PIP4K2A: variants seen among roughly 807,000 people sequenced by gnomAD.
The protein encoded by PIP4K2A is phosphatidylinositol 5-phosphate 4-kinase type-2 alpha.
A neutral mutation model predicts 42.9 loss-of-function variants in PIP4K2A; 14 were observed. That is an observed-to-expected ratio of 0.33 (90% CI 0.22 to 0.51). The LOEUF is 0.51. Among genes scored for constraint, PIP4K2A ranks in the 20% least tolerant of loss-of-function variants. PIP4K2A has a pLI of 0.97. For missense variants in PIP4K2A, 434 were observed against 519.8 expected, an observed-to-expected ratio of 0.83 and a Z score of 1.61; for synonymous variants, 192 against 192.2, an observed-to-expected ratio of 1.00 and a Z score of 0.01.
intron 5 of PIP4K2A, 93 bp from the exon 6 acceptor site, chr10:22,567,982 G>A (rs1223557313): frequency 3.6e-6 from 4 of 1,112,768 alleles, no homozygotes; most frequent in Non-Finnish European, 5.5e-6. Context: ...GGAGCAGAGA[G>A]CCAGCTCAGC....
At chr10:22,713,069 G>A (rs1833939928) in intron 1 of PIP4K2A, among the ~76,000 whole-genome samples, 1 of 152,238 alleles carries the variant, frequency 6.6e-6, no homozygotes. Context: ...CAGATGCTAA[G>A]TGACTGCAGT....
At chr10:22,569,965 T>A (rs1202533108) in intron 5 of PIP4K2A, among the ~76,000 whole-genome samples, 2 of 152,018 alleles carry the variant, frequency 1.3e-5, no homozygotes, top group South Asian at 2.1e-4. Context: ...GATGAAACTG[T>A]GAAAAAAGCA....
rs569339443 is a variant in PIP4K2A, at chr10:22,632,279, C to T, written c.145-22562G>A. 3.3e-5 allele frequency among the ~76,000 whole-genome samples: 5 copies of T among 152,228 alleles called. No individual in the cohort carries two copies. In the East Asian group the frequency reaches 7.7e-4, roughly 24 times the overall value. On this transcript the variant is annotated intron_variant, in intron 1 of 9. Transcript: ENST00000376573. ...CATCTTGTATCAGTGTTAGTTTCCT[C>T]ATATTCATAACTGTACTATTTGTTA...
intron 5 of PIP4K2A, among the ~76,000 whole-genome samples, chr10:22,571,593 T>A (rs1588633522): frequency 6.6e-6 from 1 of 152,196 alleles, no homozygotes; most frequent in African/African-American, 2.4e-5. Flanking sequence ...AAACAATGCA[T>A]GCAAACCAAT....
intron 5 of PIP4K2A, among the ~76,000 whole-genome samples, chr10:22,570,593 G>C (rs1213247777): frequency 6.6e-6 from 1 of 152,194 alleles, no homozygotes; most frequent in African/African-American, 2.4e-5. Context: ...GAGGTTAGGA[G>C]ACAAGCCCAG....
chr10:22,555,153 G>A (rs781546482), intron 6 of PIP4K2A, among the ~76,000 whole-genome samples: 4 of 152,186 alleles, frequency 2.6e-5, no homozygotes, highest in African/African-American at 9.7e-5. Flanking sequence ...ACCCCAGGTC[G>A]ACTAGGCATG....
chr10:22,539,863 T>C lies in PIP4K2A; in HGVS notation c.1140+108A>G. On this transcript the variant is annotated intron_variant, in intron 9 of 9. Coordinates refer to ENST00000376573, the MANE Select transcript of PIP4K2A (RefSeq NM_005028.5). ...GTGGCAGAAAGGAGTGATCCCTGAG[T>C]TACAGGTCACACAGAGGAGCCAGGA... The C allele has an allele frequency of 4.0e-6, 3 of 748,558 alleles. No individual in the cohort carries two copies. In the South Asian group the frequency reaches 4.4e-5, roughly 11 times the overall value. 46.4% of individuals were successfully genotyped at this position (748,558 alleles called of 1,614,324 possible).
rs189216593 is a variant in PIP4K2A at position 22,605,394 on chromosome 10, G to T, written c.339+2533C>A. ...CTTGCCTAATTTTCTTTCAAAGTTTGTACTCAGCAATTTGTACTGACTTCA... is the reference window on the plus strand; with the variant it reads ...CTTGCCTAATTTTCTTTCAAAGTTTTTACTCAGCAATTTGTACTGACTTCA... On this transcript the variant is annotated intron_variant, in intron 3 of 9. Transcript: ENST00000376573. Among the ~76,000 whole-genome samples the T allele has an allele frequency of 3.9e-5, 6 of 152,204 alleles. No homozygotes were observed. The South Asian group carries it at 6.2e-4, about 16-fold the overall frequency.
In PIP4K2A at chr10:22,579,795, G is replaced by C. The variant is rs181032037; in HGVS notation, c.493-6338C>G. Among the ~76,000 whole-genome samples the C allele has an allele frequency of 1.9e-3, 280 of 149,380 alleles. 8 individuals are homozygous for C. Among genetic ancestry groups the C allele is most frequent in the African/African-American group, 7.1e-3 (276 of 38,778 alleles). On this transcript the variant is annotated intron_variant, in intron 4 of 9. Transcript: ENST00000376573. ...ATGGTGGCAGGTGCCTGTAGTCCCA[G>C]CTACTCGGGAGGCTGAGGCAGGAGA...
At chr10:22,634,382 G>A (rs770193151) in intron 1 of PIP4K2A, among the ~76,000 whole-genome samples, 15 of 152,160 alleles carry the variant, frequency 9.9e-5, no homozygotes, top group South Asian at 2.1e-4. Flanking sequence ...TTCCTTTAGC[G>A]GTTACAGATT....
intron 1 of PIP4K2A, among the ~76,000 whole-genome samples, chr10:22,652,801 C>A (rs1432953795): frequency 6.6e-6 from 1 of 152,176 alleles, no homozygotes; most frequent in African/African-American, 2.4e-5. Context: ...CTGCTTGAAA[C>A]GTTTATGAAG....
intron 4 of PIP4K2A, among the ~76,000 whole-genome samples, chr10:22,581,211 T>C (rs1336805840): frequency 6.6e-6 from 1 of 152,214 alleles, no homozygotes; most frequent in Non-Finnish European, 1.5e-5. Context: ...TCCACCTGTC[T>C]GACTCTGCAG....
chr10:22,686,849 G>A (rs185467292), intron 1 of PIP4K2A, among the ~76,000 whole-genome samples: 4 of 152,058 alleles, frequency 2.6e-5, no homozygotes, highest in South Asian at 2.1e-4. Context: ...AATTTCTCAC[G>A]CTGACGCAGC....
chr10:22,705,389 T>C (rs1435016499), intron 1 of PIP4K2A, among the ~76,000 whole-genome samples: 26 of 140,506 alleles, frequency 1.9e-4, no homozygotes, highest in African/African-American at 6.3e-4. Flanking sequence ...GCAGGATCTT[T>C]TTTACCCCCT....
intron 1 of PIP4K2A, among the ~76,000 whole-genome samples, chr10:22,673,643 AT>A (rs1839497993): frequency 6.6e-6 from 1 of 152,152 alleles, no homozygotes; most frequent in Admixed American, 6.5e-5. Context: ...AGGAAAAAAA[AT>A]AAAAAATAAA....
intron 1 of PIP4K2A, among the ~76,000 whole-genome samples, chr10:22,660,079 A>C (rs963213793): frequency 1.3e-5 from 2 of 152,088 alleles, no homozygotes; most frequent in Non-Finnish European, 2.9e-5. Context: ...TGCTACACAG[A>C]TGTGGGCCCC....
chr10:22,702,331 T>C (rs1258332581), intron 1 of PIP4K2A, among the ~76,000 whole-genome samples: 1 of 152,254 alleles, frequency 6.6e-6, no homozygotes, highest in Non-Finnish European at 1.5e-5. Context: ...ATTTAACTTA[T>C]GGTACACTTC....
intron 1 of PIP4K2A, among the ~76,000 whole-genome samples, chr10:22,645,283 C>T (rs1045775525): frequency 2.0e-5 from 3 of 152,254 alleles, no homozygotes; most frequent in Non-Finnish European, 2.9e-5. Flanking sequence ...CGATGGCTCA[C>T]GCCCATAATC....
intron 1 of PIP4K2A, among the ~76,000 whole-genome samples, chr10:22,614,436 C>T (rs1025593884): frequency 6.6e-6 from 1 of 152,162 alleles, no homozygotes; most frequent in Non-Finnish European, 1.5e-5. Flanking sequence ...TTTATGGCTA[C>T]TTTATCTTTC....
Sources: gnomAD v4.1 joint callset for allele counts (sites outside exome capture counted in the v4.1 genomes callset) on GRCh38, gnomAD v4.1.1 for gene constraint, MANE v1.5 for transcripts, NCBI Gene and HGNC (gene_info 2026-07-23, HGNC 2026-07-21) for gene names.